INPP4A: variants seen among roughly 807,000 people sequenced by gnomAD.
INPP4A encodes the protein inositol polyphosphate-4-phosphatase type I A.
INPP4A carries 33 observed loss-of-function variants against 119.8 expected under a neutral mutation model. The ratio of observed to expected loss-of-function variants is 0.28; its 90% CI spans 0.21 to 0.37. The LOEUF is 0.37. Ranked by LOEUF, INPP4A falls within the 10% of genes least tolerant of loss-of-function variation. The pLI, the probability that INPP4A is intolerant of heterozygous loss-of-function variation, is 1.00. For missense variants in INPP4A, 956 were observed against 1,289.9 expected, an observed-to-expected ratio of 0.74 and a Z score of 3.97; for synonymous variants, 496 against 500.7, an observed-to-expected ratio of 0.99 and a Z score of 0.12.
intron 1 of INPP4A, among the ~76,000 whole-genome samples, chr2:98,481,958 C>T (rs948416815): frequency 1.3e-5 from 2 of 152,142 alleles, no homozygotes; most frequent in African/African-American, 2.4e-5. Context: ...GATGTCTTGT[C>T]CTGGCTTAAC....
chr2:98,529,925 G>C (rs182274046), intron 4 of INPP4A, among the ~76,000 whole-genome samples: 101 of 152,250 alleles, frequency 6.6e-4, no homozygotes, highest in African/African-American at 2.3e-3. Flanking sequence ...TAACAAGAAA[G>C]AGAGATTGTT....
intron 24 of INPP4A, among the ~76,000 whole-genome samples, chr2:98,579,097 G>A (rs1698891407): frequency 6.7e-6 from 1 of 150,000 alleles, no homozygotes; most frequent in South Asian, 2.1e-4. Flanking sequence ...CTGTCACCCA[G>A]GCTGGAGTGC....
chr2:98,572,958 T>C, intron 23 of INPP4A, 31 bp downstream of exon 23: 2 of 1,465,400 alleles, frequency 1.4e-6, no homozygotes, highest in South Asian at 2.4e-5. Context: ...AAGGAGGCTA[T>C]TGCGGTGCCC....
intron 1 of INPP4A, among the ~76,000 whole-genome samples, chr2:98,454,828 A>G (rs1179726774): frequency 1.3e-5 from 2 of 152,088 alleles, no homozygotes; most frequent in Non-Finnish European, 2.9e-5. Context: ...CACTGACCCA[A>G]CTGAGCCTTT....
chr2:98,537,778 G>T (rs1690606343), intron 7 of INPP4A, 85 bp from the exon 8 acceptor site: 2 of 1,015,562 alleles, frequency 2.0e-6, no homozygotes, highest in Non-Finnish European at 3.0e-6. Flanking sequence ...GGACCCTGAT[G>T]ACCCAGTACG....
At position 98,476,694 on chromosome 2, in the gene INPP4A, A is replaced by G. The variant is rs566071880; in HGVS notation, c.-166+31609A>G. On this transcript the variant is annotated intron_variant, in intron 1 of 24. Transcript: ENST00000409851. ...CTCCCTCTGCGCTCATGGTTTCCACAGTGGTTTGCCTCATTCACCATCACC... is the reference window on the plus strand; with the variant it reads ...CTCCCTCTGCGCTCATGGTTTCCACGGTGGTTTGCCTCATTCACCATCACC... 1.2e-4 allele frequency among the ~76,000 whole-genome samples: 18 copies of G among 152,258 alleles called. No individual in the cohort carries two copies. The East Asian group carries it at 1.9e-3, about 16-fold the overall frequency.
intron 4 of INPP4A, among the ~76,000 whole-genome samples, chr2:98,532,986 C>T (rs1295054158): frequency 1.3e-5 from 2 of 152,228 alleles, no homozygotes; most frequent in Non-Finnish European, 2.9e-5. Context: ...AGGATGCAAG[C>T]ATGGGTAGCT....
intron 1 of INPP4A, among the ~76,000 whole-genome samples, chr2:98,476,494 T>G (rs1434364669): frequency 5.3e-5 from 8 of 152,112 alleles, no homozygotes; most frequent in Non-Finnish European, 1.5e-5. Flanking sequence ...CAAGCCCCCT[T>G]TAGGTATCTG....
At chr2:98,461,961 C>T (rs568537694) in intron 1 of INPP4A, among the ~76,000 whole-genome samples, 1 of 152,232 alleles carries the variant, frequency 6.6e-6, no homozygotes, top group Non-Finnish European at 1.5e-5. Flanking sequence ...AGCTGCACCC[C>T]CCTTGCTCTG....
chr2:98,574,366 G>A (rs185196734), intron 23 of INPP4A, among the ~76,000 whole-genome samples: 33 of 152,234 alleles, frequency 2.2e-4, no homozygotes, highest in African/African-American at 7.5e-4. Flanking sequence ...GGCCGGGCTC[G>A]GTGGCTCACG....
At chr2:98,505,819 T>C (rs1320904114) in intron 1 of INPP4A, among the ~76,000 whole-genome samples, 1 of 152,234 alleles carries the variant, frequency 6.6e-6, no homozygotes, top group African/African-American at 2.4e-5. Flanking sequence ...AATCCCTGTC[T>C]CCACCATTAG....
At chr2:98,459,519 T>C (rs900603737) in intron 1 of INPP4A, among the ~76,000 whole-genome samples, 10 of 152,214 alleles carry the variant, frequency 6.6e-5, no homozygotes, top group African/African-American at 2.2e-4. Flanking sequence ...CTTGAGGGTC[T>C]GGAGAAGTTG....
In INPP4A at chr2:98,546,735, C is replaced by A; in HGVS notation, c.1163+41C>A. On this transcript the variant is annotated intron_variant, in intron 13 of 24. Coordinates refer to ENST00000409851, the MANE Select transcript of INPP4A (RefSeq NM_001134225.2). This position sits in a 1 kb window ranked among gnomAD's most constrained non-coding sequence, Gnocchi z 4.2. ...GGGTTTGTGGTCCTTGTACAGCTTT[C>A]TGATGCTTCTTTTCTCAGTTTAAAA... 8.6e-7 allele frequency: 1 copy of A among 1,164,986 alleles called. No homozygotes were observed. Among genetic ancestry groups the A allele is most frequent in the Non-Finnish European group, 1.3e-6 (1 of 777,078 alleles). 72.2% of individuals were successfully genotyped at this position (1,164,986 alleles called of 1,614,324 possible).
At chr2:98,535,903 C>A in intron 6 of INPP4A, 58 bp downstream of exon 6, 1 of 872,318 alleles carries the variant, frequency 1.1e-6, no homozygotes, top group East Asian at 2.6e-5. Flanking sequence ...ATTATATAAT[C>A]GTTTGAATGA....
chr2:98,499,588 C>A (rs1682701193), intron 1 of INPP4A, among the ~76,000 whole-genome samples: 1 of 152,226 alleles, frequency 6.6e-6, no homozygotes, highest in Non-Finnish European at 1.5e-5. Flanking sequence ...TACTTATTTT[C>A]TCCCTTTATT....
In INPP4A at chr2:98,546,838, C is replaced by G. The variant is rs1050470583; in HGVS notation, c.1163+144C>G. On this transcript the variant is annotated intron_variant, in intron 13 of 24. Transcript: ENST00000409851. This position sits in a 1 kb window ranked among gnomAD's most constrained non-coding sequence, Gnocchi z 4.2. ...TGGCAGGAGGATCTGCCTTATGGAGCCTGTGCTGCTCTGTTTATGTGTGAC... is the reference window on the plus strand; with the variant it reads ...TGGCAGGAGGATCTGCCTTATGGAGGCTGTGCTGCTCTGTTTATGTGTGAC... 6.3e-6 allele frequency: 4 copies of G among 638,122 alleles called. No individual in the cohort carries two copies. The highest frequency in any genetic ancestry group is 1.8e-5 in the African/African-American group (1 of 54,866). The allele number at this position is 638,122 out of a possible 1,614,324, so 39.5% of individuals were successfully genotyped here. A position where few individuals can be genotyped will look rare whatever the true frequency, so the allele number is the denominator to read the frequency against.
In INPP4A at chr2:98,589,158, A is replaced by AGGAC. The variant is rs1159852935; in HGVS notation, c.*1552_*1555dup. The stretch of plus-strand genomic sequence containing the variant: ...ATGTCTGTGAAGGACACTTTAATGA[A>AGGAC]GGACGAAGCTCTCTGCTGCTCCCTC... On this transcript the variant is annotated 3_prime_UTR_variant, in exon 25 of 25. Coordinates refer to ENST00000409851, the MANE Select transcript of INPP4A (RefSeq NM_001134225.2). The AGGAC allele has an allele frequency of 2.2e-5, 4 of 178,448 alleles. No individual in the cohort carries two copies. Among genetic ancestry groups the AGGAC allele is most frequent in the African/African-American group, 7.1e-5 (3 of 42,302 alleles). The allele number at this position is 178,448 out of a possible 1,614,324, so 11.1% of individuals were successfully genotyped here. A position where few individuals can be genotyped will look rare whatever the true frequency, so the allele number is the denominator to read the frequency against.
intron 1 of INPP4A, among the ~76,000 whole-genome samples, chr2:98,498,711 T>C (rs1682536730): frequency 6.6e-6 from 1 of 152,178 alleles, no homozygotes; most frequent in Non-Finnish European, 1.5e-5. Context: ...TATTTGGAGA[T>C]GGCGTCTGTA....
chr2:98,552,171 G>A lies in INPP4A; in HGVS notation c.1164-615G>A, dbSNP rs545842928. On this transcript the variant is annotated intron_variant, in intron 13 of 24. Transcript: ENST00000409851. The stretch of plus-strand genomic sequence containing the variant: ...CCACTTTTTCTTCATTTGATGAAAC[G>A]TTATTTTTCAAAGTAGGGAAGTCCT... 8.5e-5 allele frequency among the ~76,000 whole-genome samples: 13 copies of A among 152,280 alleles called. No individual in the cohort carries two copies. In the South Asian group the frequency reaches 2.5e-3, roughly 29 times the overall value.
Sources: allele counts gnomAD v4.1 joint callset (sites outside exome capture counted in the v4.1 genomes callset), GRCh38; gene constraint gnomAD v4.1.1; non-coding constraint Gnocchi (gnomAD v3.1); transcripts MANE v1.5; gene names NCBI Gene and HGNC (gene_info 2026-07-23, HGNC 2026-07-21).